The following CDH8 variants were observed in gnomAD, a reference collection of about 807,000 sequenced individuals.
The protein encoded by CDH8 is cadherin 8, also known as cadherin-8.
CDH8 carries 17 observed loss-of-function variants against 68.1 expected under a neutral mutation model. That is an observed-to-expected ratio of 0.25 (90% CI 0.17 to 0.37). The LOEUF (loss-of-function observed/expected upper bound fraction) is 0.37. CDH8 is among the 10% of genes least tolerant of loss of function. The pLI, the probability that CDH8 is intolerant of heterozygous loss-of-function variation, is 1.00. For synonymous variants in CDH8, 372 were observed against 365.1 expected (o/e 1.02, Z -0.21); for missense variants, 763 against 999.3 (o/e 0.76, Z 3.19).
chr16:61,833,495 A>C, intron 4 of CDH8, among the ~76,000 whole-genome samples: 1 of 151,902 alleles, frequency 6.6e-6, no homozygotes, highest in East Asian at 1.9e-4. Flanking sequence ...AATTAGAAAC[A>C]AAGATTATAT....
At chr16:61,968,054 C>G (rs768517737) in intron 2 of CDH8, among the ~76,000 whole-genome samples, 3 of 152,160 alleles carry the variant, frequency 2.0e-5, no homozygotes, top group South Asian at 2.1e-4. Flanking sequence ...GGGCGATCCA[C>G]CCGCTTTGGC....
intron 2 of CDH8, among the ~76,000 whole-genome samples, chr16:61,990,908 A>T (rs989531587): frequency 1.3e-5 from 2 of 151,184 alleles, no homozygotes; most frequent in Non-Finnish European, 3.0e-5. Context: ...GGAAGGAAGG[A>T]AAAGGAAGGA....
At position 61,739,915 on chromosome 16, in the gene CDH8, A is replaced by ATGTAT. The variant is rs373723105; in HGVS notation, c.1415-12701_1415-12700insATACA. Among the ~76,000 whole-genome samples, 29 of 109,560 alleles carry ATGTAT rather than the reference A, an allele frequency of 2.6e-4. 1 individual carries two copies. The South Asian group carries it at 5.4e-3, about 20-fold the overall frequency. The allele number at this position is 109,560 out of a possible 152,430, so 71.9% of individuals were successfully genotyped here. A position where few individuals can be genotyped will look rare whatever the true frequency, so the allele number is the denominator to read the frequency against. On this transcript the variant is annotated intron_variant, in intron 8 of 11. Coordinates refer to ENST00000577390, the MANE Select transcript of CDH8 (RefSeq NM_001796.5). The stretch of plus-strand genomic sequence containing the variant: ...TATATATATATATATATATATATGT[A>ATGTAT]TTTTTTTTTTTGAGACAAAGTCTTG...
intron 11 of CDH8, among the ~76,000 whole-genome samples, chr16:61,654,859 T>C (rs1963406564): frequency 6.6e-6 from 1 of 152,248 alleles, no homozygotes; most frequent in Non-Finnish European, 1.5e-5. Flanking sequence ...ACGACTCTCA[T>C]GTTTTTCTAT....
intron 2 of CDH8, among the ~76,000 whole-genome samples, chr16:61,915,460 A>G (rs1481295947): frequency 1.3e-5 from 2 of 152,208 alleles, no homozygotes; most frequent in Non-Finnish European, 2.9e-5. Flanking sequence ...GCAAGTGATA[A>G]AAAAATGATT....
At chr16:61,979,158 A>G (rs1965490342) in intron 2 of CDH8, among the ~76,000 whole-genome samples, 1 of 152,176 alleles carries the variant, frequency 6.6e-6, no homozygotes, top group African/African-American at 2.4e-5. Flanking sequence ...AGGCACTCCA[A>G]TAAATTTTGG....
At chr16:61,965,257 C>CCA (rs1287109695) in intron 2 of CDH8, among the ~76,000 whole-genome samples, 1 of 152,056 alleles carries the variant, frequency 6.6e-6, no homozygotes, top group Non-Finnish European at 1.5e-5. Flanking sequence ...CTATCAGCAC[C>CCA]TGGTTTGTTT....
chr16:61,934,885 A>T (rs1964605030), intron 2 of CDH8, among the ~76,000 whole-genome samples: 1 of 152,198 alleles, frequency 6.6e-6, no homozygotes, highest in African/African-American at 2.4e-5. Context: ...CAGTGCAATA[A>T]TTACAACTGC....
chr16:62,034,184 C>G (rs1902395924), intron 1 of CDH8, among the ~76,000 whole-genome samples: 1 of 128,306 alleles, frequency 7.8e-6, no homozygotes, highest in South Asian at 2.3e-4. Flanking sequence ...ATATATATCT[C>G]TCTCTCAAAC....
intron 4 of CDH8, 64 bp from the exon 5 acceptor site, chr16:61,825,243 T>C: frequency 7.7e-7 from 1 of 1,299,866 alleles, no homozygotes; most frequent in Non-Finnish European, 1.1e-6. Context: ...AAAGTGTTAA[T>C]CTCACACATG....
rs1849233058 is a variant in CDH8 at position 61,653,577 on chromosome 16, T to C, written c.*31A>G. The C allele has an allele frequency of 6.4e-7, 1 of 1,571,922 alleles. No homozygotes were observed. The highest frequency in any genetic ancestry group is 8.6e-7 in the Non-Finnish European group (1 of 1,161,552). On this transcript the variant is annotated 3_prime_UTR_variant, in exon 12 of 12. Coordinates refer to ENST00000577390, the MANE Select transcript of CDH8 (RefSeq NM_001796.5). ...GTGACCCTAGAATATTACAGAATGC[T>C]CAGTTCCAGTGATTTATTTATAATC...
At chr16:61,675,911 AC>A (rs1963899097) in intron 10 of CDH8, among the ~76,000 whole-genome samples, 1 of 151,426 alleles carries the variant, frequency 6.6e-6, no homozygotes, top group South Asian at 2.1e-4. Context: ...AAGAGCTATT[AC>A]TAATAAGTTG....
In CDH8 at chr16:61,859,058, T is replaced by A. The variant is rs555211454; in HGVS notation, c.548-1820A>T. ...TGTTTTGAATTACAGTCACTCCAAGTGAAAAGATAATAATAATATTTGTTG... is the reference window on the plus strand; with the variant it reads ...TGTTTTGAATTACAGTCACTCCAAGAGAAAAGATAATAATAATATTTGTTG... On this transcript the variant is annotated intron_variant, in intron 3 of 11. Coordinates refer to ENST00000577390, the MANE Select transcript of CDH8 (RefSeq NM_001796.5). 1.6e-4 allele frequency among the ~76,000 whole-genome samples: 25 copies of A among 152,176 alleles called. No individual in the cohort carries two copies. In the South Asian group the frequency reaches 5.2e-3, roughly 32 times the overall value.
chr16:61,826,802 T>C (rs1210709774), intron 4 of CDH8, among the ~76,000 whole-genome samples: 2 of 151,794 alleles, frequency 1.3e-5, no homozygotes, highest in East Asian at 1.9e-4. Context: ...GAACTGTGAG[T>C]TCTTATACAC....
chr16:61,975,750 G>A (rs995992154), intron 2 of CDH8, among the ~76,000 whole-genome samples: 1 of 152,124 alleles, frequency 6.6e-6, no homozygotes, highest in African/African-American at 2.4e-5. Flanking sequence ...TTACAAAACT[G>A]TCCTTTTAAG....
chr16:61,744,673 T>C (rs866159943), intron 8 of CDH8, among the ~76,000 whole-genome samples: 1 of 151,660 alleles, frequency 6.6e-6, no homozygotes, highest in Non-Finnish European at 1.5e-5. Flanking sequence ...ATTATTCCAT[T>C]TCCCCATTAT....
At chr16:61,888,672 C>T (rs1567515490) in intron 3 of CDH8, among the ~76,000 whole-genome samples, 1 of 152,228 alleles carries the variant, frequency 6.6e-6, no homozygotes, top group Middle Eastern at 3.4e-3. Flanking sequence ...TAGCATTTTG[C>T]ACATTTATTA....
intron 7 of CDH8, among the ~76,000 whole-genome samples, chr16:61,795,347 T>C (rs1465616592): frequency 5.3e-5 from 8 of 152,004 alleles, no homozygotes; most frequent in Non-Finnish European, 7.4e-5. Context: ...TCCTTCTGAG[T>C]AGCACCACAT....
chr16:61,985,425 C>T (rs774945622), intron 2 of CDH8, among the ~76,000 whole-genome samples: 1 of 152,212 alleles, frequency 6.6e-6, no homozygotes, highest in Non-Finnish European at 1.5e-5. Context: ...GCATTTCCAT[C>T]TTCACAGAAT....
Sources: allele counts gnomAD v4.1 joint callset (sites outside exome capture counted in the v4.1 genomes callset), GRCh38; gene constraint gnomAD v4.1.1; transcripts MANE v1.5; gene names NCBI Gene and HGNC (gene_info 2026-07-23, HGNC 2026-07-21).